Variants in GNAQ observed in about 807,000 individuals in gnomAD.
The protein encoded by GNAQ is guanine nucleotide-binding protein G(q) subunit alpha.
A neutral mutation model predicts 43.9 loss-of-function variants in GNAQ; 8 were observed. The ratio of observed to expected loss-of-function variants is 0.18; its 90% CI spans 0.11 to 0.33. The LOEUF is 0.33. Ranked by LOEUF, GNAQ falls within the 10% of genes least tolerant of loss-of-function variation. The pLI is 1.00. For missense variants in GNAQ, 158 were observed against 450.8 expected, an observed-to-expected ratio of 0.35 and a Z score of 5.88; for synonymous variants, 155 against 170.7, an observed-to-expected ratio of 0.91 and a Z score of 0.71.
rs530635538 is a variant in GNAQ, at chr9:78,014,911, T to C, written c.136+16189A>G. On this transcript the variant is annotated intron_variant, in intron 1 of 6. Transcript: ENST00000286548. ...GATTATAATGGAGCTGAAAAATTCC[T>C]ATCGCCTACTGACATCGTAGTTATC... 7.9e-5 allele frequency among the ~76,000 whole-genome samples: 12 copies of C among 152,338 alleles called. No individual in the cohort carries two copies. The South Asian group carries it at 2.3e-3, about 29-fold the overall frequency.
chr9:77,844,956 T>G (rs183147287), intron 2 of GNAQ, among the ~76,000 whole-genome samples: 48 of 152,330 alleles, frequency 3.2e-4, no homozygotes, highest in African/African-American at 1.2e-3. Context: ...ATCTGCCTAT[T>G]TTTAATGTAT....
intron 2 of GNAQ, among the ~76,000 whole-genome samples, chr9:77,844,164 G>A (rs1392333848): frequency 6.6e-6 from 1 of 152,184 alleles, no homozygotes; most frequent in Non-Finnish European, 1.5e-5. Context: ...GGACTTCCAA[G>A]AAGGTTGTGG....
At chr9:77,794,162 A>G (rs1316939990) in intron 5 of GNAQ, among the ~76,000 whole-genome samples, 1 of 152,184 alleles carries the variant, frequency 6.6e-6, no homozygotes, top group East Asian at 1.9e-4. Flanking sequence ...CTGTAGGAGG[A>G]AGACTATAAA....
intron 6 of GNAQ, among the ~76,000 whole-genome samples, chr9:77,727,810 G>A (rs1282372464): frequency 6.6e-6 from 1 of 152,146 alleles, no homozygotes; most frequent in African/African-American, 2.4e-5. Flanking sequence ...TCTCAACCTT[G>A]ATAGACTGAT....
chr9:77,758,359 C>T (rs1223029493), intron 5 of GNAQ, among the ~76,000 whole-genome samples: 1 of 152,128 alleles, frequency 6.6e-6, no homozygotes, highest in Non-Finnish European at 1.5e-5. Context: ...TACAACATCA[C>T]AAATATTCTA....
intron 5 of GNAQ, among the ~76,000 whole-genome samples, chr9:77,737,349 T>C (rs1442322371): frequency 2.6e-5 from 4 of 152,208 alleles, no homozygotes; most frequent in Admixed American, 1.3e-4. Flanking sequence ...GTAAGTGATG[T>C]TGTAAGTGAC....
At chr9:77,929,982 A>T (rs1316568258) in intron 1 of GNAQ, among the ~76,000 whole-genome samples, 1 of 152,228 alleles carries the variant, frequency 6.6e-6, no homozygotes, top group African/African-American at 2.4e-5. Context: ...GTGATAATTT[A>T]AAAATTACCC....
At chr9:77,759,172 C>T (rs1327027685) in intron 5 of GNAQ, among the ~76,000 whole-genome samples, 1 of 152,122 alleles carries the variant, frequency 6.6e-6, no homozygotes, top group Admixed American at 6.5e-5. Context: ...AATGGCATTC[C>T]AAACCATCCT....
chr9:77,996,351 T>G (rs1242327706), intron 1 of GNAQ, among the ~76,000 whole-genome samples: 1 of 152,104 alleles, frequency 6.6e-6, no homozygotes, highest in Non-Finnish European at 1.5e-5. Context: ...CAAGCACAAA[T>G]AGTGTTACTG....
chr9:77,981,770 C>T (rs770395872), intron 1 of GNAQ, among the ~76,000 whole-genome samples: 4 of 152,136 alleles, frequency 2.6e-5, no homozygotes, highest in Non-Finnish European at 5.9e-5. Flanking sequence ...AGGTGTTCTT[C>T]GCAGCTCCAG....
rs1822948249 is a variant in GNAQ at position 77,949,503 on chromosome 9, G to A, written c.137-27158C>T. 2.0e-5 allele frequency among the ~76,000 whole-genome samples: 3 copies of A among 152,320 alleles called. No individual in the cohort carries two copies. The South Asian group carries it at 6.2e-4, about 32-fold the overall frequency. Reference sequence around the variant, plus strand: ...ACTTGGTTAGCATGGACCCCAACATGAGTGAGCAGTAGTGCCGGCCACACA... The same window carrying A: ...ACTTGGTTAGCATGGACCCCAACATAAGTGAGCAGTAGTGCCGGCCACACA... On this transcript the variant is annotated intron_variant, in intron 1 of 6. Transcript: ENST00000286548.
chr9:77,965,851 A>G (rs12552992), intron 1 of GNAQ, among the ~76,000 whole-genome samples: 61,437 of 151,108 alleles, frequency 0.41, 13,261 homozygotes, highest in Admixed American at 0.48. Context: ...AAAAAAAAAA[A>G]AAAGGCACGT....
chr9:77,801,612 C>T (rs1282429117), intron 3 of GNAQ, among the ~76,000 whole-genome samples: 1 of 152,176 alleles, frequency 6.6e-6, no homozygotes, highest in African/African-American at 2.4e-5. Context: ...GCTCACTTTG[C>T]TTGGGGTGAA....
chr9:77,855,143 T>G (rs774379107), intron 2 of GNAQ, among the ~76,000 whole-genome samples: 5 of 152,116 alleles, frequency 3.3e-5, no homozygotes, highest in African/African-American at 1.2e-4. Flanking sequence ...AATGGTCAGA[T>G]GACATCATAG....
intron 5 of GNAQ, among the ~76,000 whole-genome samples, chr9:77,776,977 A>G (rs1199185878): frequency 6.6e-6 from 1 of 151,980 alleles, no homozygotes; most frequent in Non-Finnish European, 1.5e-5. Flanking sequence ...AAGGACCCAT[A>G]CTTTCTAATT....
chr9:77,895,017 T>C (rs899923505), intron 2 of GNAQ, among the ~76,000 whole-genome samples: 17 of 150,526 alleles, frequency 1.1e-4, no homozygotes, highest in African/African-American at 3.9e-4. Context: ...GTGAAACCCC[T>C]GTCTCTACTA....
intron 2 of GNAQ, among the ~76,000 whole-genome samples, chr9:77,903,321 T>C (rs909493130): frequency 6.6e-6 from 1 of 152,178 alleles, no homozygotes; most frequent in East Asian, 1.9e-4. Context: ...AGCATGGGTG[T>C]TGGACGCTAG....
Position 78,008,498 on chromosome 9 carries a change from A to G in GNAQ, c.136+22602T>C, listed in dbSNP as rs573347759. Among the ~76,000 whole-genome samples the G allele has an allele frequency of 1.1e-3, 175 of 152,340 alleles. 2 individuals carry two copies. Among genetic ancestry groups the G allele is most frequent in the African/African-American group, 4.0e-3 (166 of 41,586 alleles). On this transcript the variant is annotated intron_variant, in intron 1 of 6. Transcript: ENST00000286548. The stretch of plus-strand genomic sequence containing the variant: ...CCACCCCCACCATCCAACTGGAAAA[A>G]CTGAGTTTATTTTACATTAAATAAT...
intron 2 of GNAQ, among the ~76,000 whole-genome samples, chr9:77,823,312 T>C (rs955348233): frequency 3.3e-5 from 5 of 152,186 alleles, no homozygotes; most frequent in Non-Finnish European, 7.3e-5. Flanking sequence ...TAGTAAGTTA[T>C]ATAATTTGTC....
Sources: gnomAD v4.1 joint callset for allele counts (sites outside exome capture counted in the v4.1 genomes callset) on GRCh38, gnomAD v4.1.1 for gene constraint, MANE v1.5 for transcripts, NCBI Gene and HGNC (gene_info 2026-07-23, HGNC 2026-07-21) for gene names.